The following GRXCR1 variants were observed in gnomAD, a reference collection of about 807,000 sequenced individuals.
GRXCR1 encodes glutaredoxin and cysteine rich domain containing 1.
Under a neutral mutation model 27.3 loss-of-function variants are expected in GRXCR1, and 27 were observed. The ratio of observed to expected loss-of-function variants is 0.99; its 90% CI spans 0.73 to 1.37. The LOEUF is 1.37. Ranked by LOEUF, GRXCR1 falls within the 40% of genes most tolerant of loss-of-function variation. GRXCR1 has a pLI of 0.00. For synonymous variants in GRXCR1, 122 were observed against 131.1 expected, an observed-to-expected ratio of 0.93 and a Z score of 0.47; for missense variants, 379 against 354.4, an observed-to-expected ratio of 1.07 and a Z score of -0.56.
chr4:43,004,804 A>G (rs1712502611), intron 2 of GRXCR1, among the ~76,000 whole-genome samples: 1 of 152,210 alleles, frequency 6.6e-6, no homozygotes, highest in South Asian at 2.1e-4. Context: ...TTGATTTTAC[A>G]GGCTCATAGA....
chr4:42,894,667 T>G (rs969333071), intron 1 of GRXCR1, among the ~76,000 whole-genome samples: 1 of 149,814 alleles, frequency 6.7e-6, no homozygotes, highest in Non-Finnish European at 1.5e-5. Flanking sequence ...TAGTTTTTGT[T>G]AAAGGATAAA....
chr4:43,019,169 C>G (rs1713023422), intron 2 of GRXCR1, among the ~76,000 whole-genome samples: 1 of 152,186 alleles, frequency 6.6e-6, no homozygotes, highest in Non-Finnish European at 1.5e-5. Flanking sequence ...CTTCTCTACT[C>G]TCATAAAGTA....
intron 3 of GRXCR1, among the ~76,000 whole-genome samples, chr4:43,027,273 A>G (rs1311144880): frequency 6.6e-6 from 1 of 152,208 alleles, no homozygotes; most frequent in Non-Finnish European, 1.5e-5. Context: ...GAGAGATCTA[A>G]TCACAGAATT....
chr4:42,967,592 T>A (rs1748278272), intron 2 of GRXCR1, among the ~76,000 whole-genome samples: 1 of 152,110 alleles, frequency 6.6e-6, no homozygotes, highest in Non-Finnish European at 1.5e-5. Context: ...TTTCAATTGA[T>A]TGATATTTTT....
chr4:43,016,618 G>T (rs760816090), intron 2 of GRXCR1, among the ~76,000 whole-genome samples: 2 of 133,708 alleles, frequency 1.5e-5, no homozygotes, highest in Non-Finnish European at 3.1e-5. Flanking sequence ...TCAGTAACGG[G>T]AAGCAGTTGT....
intron 1 of GRXCR1, among the ~76,000 whole-genome samples, chr4:42,893,898 G>T (rs1183045066): frequency 1.3e-5 from 2 of 152,108 alleles, no homozygotes; most frequent in Admixed American, 6.6e-5. Flanking sequence ...CTTCCAGTGT[G>T]TGATGACTAA....
intron 2 of GRXCR1, among the ~76,000 whole-genome samples, chr4:42,987,275 TATAGAGAGAG>T (rs1711799932): frequency 2.0e-5 from 2 of 102,232 alleles, no homozygotes; most frequent in Non-Finnish European, 2.0e-5. Context: ...TATATATATA[TATAGAGAGAG>T]AGAGAGAGAG....
At chr4:42,899,180 G>A (rs556405174) in intron 1 of GRXCR1, among the ~76,000 whole-genome samples, 23 of 152,098 alleles carry the variant, frequency 1.5e-4, no homozygotes, top group Admixed American at 1.5e-3. Flanking sequence ...ATCTCTTTTG[G>A]GTTTGGAGAT....
intron 1 of GRXCR1, among the ~76,000 whole-genome samples, chr4:42,947,015 A>G (rs904095329): frequency 2.6e-5 from 4 of 152,092 alleles, no homozygotes; most frequent in Non-Finnish European, 5.9e-5. Flanking sequence ...AGGGCTCCCT[A>G]GAGATAGTGC....
intron 1 of GRXCR1, among the ~76,000 whole-genome samples, chr4:42,941,355 T>C (rs946384765): frequency 6.6e-6 from 1 of 152,100 alleles, no homozygotes; most frequent in African/African-American, 2.4e-5. Flanking sequence ...GAATTGTAAG[T>C]AACCTGAAGG....
chr4:42,997,624 C>T (rs1712216439), intron 2 of GRXCR1, among the ~76,000 whole-genome samples: 1 of 152,130 alleles, frequency 6.6e-6, no homozygotes, highest in South Asian at 2.1e-4. Flanking sequence ...ACAGTCACCT[C>T]CCCTATGGGA....
chr4:43,026,406 T>C (rs966414414), intron 3 of GRXCR1, among the ~76,000 whole-genome samples: 3 of 152,060 alleles, frequency 2.0e-5, no homozygotes, highest in Non-Finnish European at 4.4e-5. Context: ...TGCTGGAAGA[T>C]GTAGCAAGAA....
intron 1 of GRXCR1, among the ~76,000 whole-genome samples, chr4:42,905,542 C>T (rs753647153): frequency 6.6e-6 from 1 of 152,078 alleles, no homozygotes; most frequent in African/African-American, 2.4e-5. Context: ...GAGTTTTTTT[C>T]GTGGCTTTAT....
At chr4:43,027,275 C>T (rs140905800) in intron 3 of GRXCR1, among the ~76,000 whole-genome samples, 2 of 152,298 alleles carry the variant, frequency 1.3e-5, no homozygotes, top group African/African-American at 4.8e-5. Flanking sequence ...GAGATCTAAT[C>T]ACAGAATTGC....
chr4:42,909,475 A>G (rs1746669239), intron 1 of GRXCR1, among the ~76,000 whole-genome samples: 1 of 152,172 alleles, frequency 6.6e-6, no homozygotes, highest in Admixed American at 6.6e-5. Context: ...AACAAAACAC[A>G]AAACAAACTC....
At position 43,025,185 on chromosome 4, in the gene GRXCR1, T is replaced by C. The variant is rs1487605661; in HGVS notation, c.693+4766T>C. 3.3e-5 allele frequency among the ~76,000 whole-genome samples: 5 copies of C among 152,180 alleles called. No homozygotes were observed. In the South Asian group the frequency reaches 1.0e-3, roughly 31 times the overall value. ...CACAATCATTCATAAACTCTGCCAT[T>C]ATCTTTGTCGTTTGTCGTTTTTGTC... On this transcript the variant is annotated intron_variant, in intron 3 of 3. Coordinates refer to ENST00000399770, the MANE Select transcript of GRXCR1 (RefSeq NM_001080476.3).
chr4:42,947,942 G>A (rs911214058), intron 1 of GRXCR1, among the ~76,000 whole-genome samples: 1 of 152,160 alleles, frequency 6.6e-6, no homozygotes, highest in African/African-American at 2.4e-5. Flanking sequence ...ACTTGTGTAT[G>A]TTTCATGTGC....
chr4:43,021,010 G>A (rs905312980), intron 3 of GRXCR1, among the ~76,000 whole-genome samples: 1 of 152,118 alleles, frequency 6.6e-6, no homozygotes, highest in Admixed American at 6.6e-5. Context: ...TCCTGAATGG[G>A]ACACTTTGAG....
chr4:42,986,444 T>C (rs1440170326), intron 2 of GRXCR1, among the ~76,000 whole-genome samples: 2 of 152,114 alleles, frequency 1.3e-5, no homozygotes, highest in African/African-American at 2.4e-5. Flanking sequence ...TCTCTCTGAC[T>C]CATGTTTCTC....
Sources: gnomAD v4.1 joint callset for allele counts (sites outside exome capture counted in the v4.1 genomes callset) on GRCh38, gnomAD v4.1.1 for gene constraint, MANE v1.5 for transcripts, NCBI Gene and HGNC (gene_info 2026-07-23, HGNC 2026-07-21) for gene names.